The following CORIN variants were observed in gnomAD, a reference collection of about 807,000 sequenced individuals.
CORIN encodes corin, serine peptidase, also known as atrial natriuretic peptide-converting enzyme.
In CORIN, 117 loss-of-function variants were observed where a neutral mutation model predicts 125.3. That is an observed-to-expected ratio of 0.93 (90% confidence interval 0.80 to 1.09). CORIN has a LOEUF of 1.09. Ranked by LOEUF, CORIN falls within the 50% of genes least tolerant of loss-of-function variation. The pLI is 0.00. For synonymous variants in CORIN, 450 were observed against 466.4 expected (o/e 0.96, Z 0.45); for missense variants, 1,253 against 1,306.7 (o/e 0.96, Z 0.63).
At chr4:47,623,513 T>C in intron 19 of CORIN, 58 bp downstream of exon 19, 1 of 1,567,642 alleles carries the variant, frequency 6.4e-7, no homozygotes, top group South Asian at 1.2e-5. Context: ...CACTGAGAAT[T>C]CCCGAGTGAC....
chr4:47,685,489 G>C (rs1725471523), intron 6 of CORIN, among the ~76,000 whole-genome samples: 1 of 152,150 alleles, frequency 6.6e-6, no homozygotes, highest in Non-Finnish European at 1.5e-5. Context: ...CTGAGAAGTA[G>C]TTACAGTAGC....
At chr4:47,612,058 A>G (rs887787222) in intron 19 of CORIN, among the ~76,000 whole-genome samples, 10 of 152,328 alleles carry the variant, frequency 6.6e-5, no homozygotes, top group African/African-American at 2.4e-4. Flanking sequence ...TTTTGGTATC[A>G]GGATGATGCT....
At chr4:47,821,104 G>A (rs961618589) in intron 1 of CORIN, among the ~76,000 whole-genome samples, 8 of 151,976 alleles carry the variant, frequency 5.3e-5, no homozygotes, top group Admixed American at 1.3e-4. Flanking sequence ...ATGTGGTGAC[G>A]TGTGCTTGTA....
At chr4:47,623,117 T>TATATATATATATATACAC (rs141525347) in intron 19 of CORIN, among the ~76,000 whole-genome samples, 22 of 134,538 alleles carry the variant, frequency 1.6e-4, no homozygotes, top group African/African-American at 5.9e-4. Context: ...TATATATATA[T>TATATATATATATATACAC]ACACACACAC....
chr4:47,683,946 T>C (rs1725401436), intron 6 of CORIN, 108 bp from the exon 7 acceptor site: 10 of 724,562 alleles, frequency 1.4e-5, no homozygotes, highest in Non-Finnish European at 2.3e-5. Context: ...AATGGTAACC[T>C]GGTCCACACC....
At chr4:47,740,265 G>A (rs1348783793) in intron 5 of CORIN, among the ~76,000 whole-genome samples, 3 of 151,868 alleles carry the variant, frequency 2.0e-5, no homozygotes, top group African/African-American at 7.2e-5. Flanking sequence ...ATTGCTGGGT[G>A]GAGTGTACTA....
intron 5 of CORIN, among the ~76,000 whole-genome samples, chr4:47,709,271 CTTTATTTATTTATTTATTTA>C (rs71199994): frequency 2.7e-5 from 4 of 148,336 alleles, no homozygotes; most frequent in African/African-American, 7.5e-5. Context: ...ATTTGCAGTA[CTTTATTTATTTATTTATTTA>C]TTTATTTATT....
chr4:47,651,584 ACTT>A (rs982326122), intron 13 of CORIN, among the ~76,000 whole-genome samples: 2 of 152,194 alleles, frequency 1.3e-5, no homozygotes, highest in Admixed American at 6.5e-5. Flanking sequence ...ACTTTGGAAA[ACTT>A]CTCATAAATT....
chr4:47,698,646 A>G (rs1726146826), intron 5 of CORIN, among the ~76,000 whole-genome samples: 1 of 152,088 alleles, frequency 6.6e-6, no homozygotes, highest in African/African-American at 2.4e-5. Context: ...ATTGTGTTGG[A>G]AATAGACTCT....
chr4:47,611,506 G>A (rs1721869776), intron 19 of CORIN, among the ~76,000 whole-genome samples: 1 of 152,174 alleles, frequency 6.6e-6, no homozygotes, highest in Non-Finnish European at 1.5e-5. Flanking sequence ...AAGACAATGG[G>A]GTTTTCTAGA....
chr4:47,646,105 C>T (rs1052975151), intron 13 of CORIN, among the ~76,000 whole-genome samples: 1 of 144,376 alleles, frequency 6.9e-6, no homozygotes, highest in Non-Finnish European at 1.5e-5. Flanking sequence ...TAAAAGCATA[C>T]ATTAACATTC....
chr4:47,666,697 C>T (rs1010396262), intron 10 of CORIN, among the ~76,000 whole-genome samples: 15 of 152,096 alleles, frequency 9.9e-5, no homozygotes, highest in African/African-American at 2.4e-4. Context: ...CTAAAGCTCT[C>T]GCTCTCTCAG....
chr4:47,641,798 G>A (rs1723239652), intron 16 of CORIN, 122 bp downstream of exon 16: 6 of 1,175,062 alleles, frequency 5.1e-6, no homozygotes, highest in Middle Eastern at 2.1e-4. Context: ...TTCATTTCCC[G>A]GGTTTTGAAG....
intron 1 of CORIN, 117 bp from the exon 2 acceptor site, chr4:47,807,164 GT>G: frequency 2.7e-6 from 2 of 744,826 alleles, no homozygotes; most frequent in Non-Finnish European, 4.3e-6. Context: ...ACAGTTTGTG[GT>G]TTAGGGTATG....
At chr4:47,706,482 C>G (rs1726560290) in intron 5 of CORIN, 4 of 1,611,384 alleles carry the variant, frequency 2.5e-6, no homozygotes, top group Non-Finnish European at 2.5e-6. Flanking sequence ...CTGCTCTTCA[C>G]AGGGCTCCCC....
intron 1 of CORIN, among the ~76,000 whole-genome samples, chr4:47,814,690 CA>C (rs1203599615): frequency 2.6e-5 from 4 of 152,092 alleles, no homozygotes; most frequent in Non-Finnish European, 4.4e-5. Flanking sequence ...TTTAATATCC[CA>C]GGAAGCATAA....
chr4:47,594,494 G>A lies in CORIN; in HGVS notation c.*1227C>T, dbSNP rs1721176114. 1 of 152,596 alleles carries A rather than the reference G, an allele frequency of 6.6e-6. No individual in the cohort carries two copies. The highest frequency in any genetic ancestry group is 2.1e-4 in the South Asian group (1 of 4,816). 9.5% of individuals were successfully genotyped at this position (152,596 alleles called of 1,614,324 possible). ...TTTACCACTAATTGCTTCAGAAATT[G>A]AGTTGCGTAAAGTGGCCTAGAGCTA... On this transcript the variant is annotated 3_prime_UTR_variant, in exon 22 of 22. Coordinates refer to ENST00000273857, the MANE Select transcript of CORIN (RefSeq NM_006587.4).
At chr4:47,767,177 A>G (rs1302958960) in intron 3 of CORIN, among the ~76,000 whole-genome samples, 1 of 152,170 alleles carries the variant, frequency 6.6e-6, no homozygotes, top group Non-Finnish European at 1.5e-5. Context: ...GTGGAAGAGG[A>G]TGAAGTCAAT....
chr4:47,825,163 C>T (rs542315781), intron 1 of CORIN, among the ~76,000 whole-genome samples: 2 of 152,290 alleles, frequency 1.3e-5, no homozygotes, highest in East Asian at 3.9e-4. Context: ...AGGCTGTGTG[C>T]GGACTCTCCA....
Sources: allele counts gnomAD v4.1 joint callset (sites outside exome capture counted in the v4.1 genomes callset), GRCh38; gene constraint gnomAD v4.1.1; transcripts MANE v1.5; gene names NCBI Gene and HGNC (gene_info 2026-07-23, HGNC 2026-07-21).